Variants in PCDH7 observed in about 807,000 individuals in gnomAD.
The protein encoded by PCDH7 is protocadherin-7.
Under a neutral mutation model 58.9 loss-of-function variants are expected in PCDH7, and 17 were observed. The observed-to-expected ratio is 0.29, with a 90% CI of 0.20 to 0.43. The LOEUF (loss-of-function observed/expected upper bound fraction) is 0.43, where lower values mean the gene tolerates loss of function less well. Ranked by LOEUF, PCDH7 falls within the 20% of genes least tolerant of loss-of-function variation. The pLI is 1.00. For synonymous variants in PCDH7, 664 were observed against 616.4 expected, an observed-to-expected ratio of 1.08 and a Z score of -1.14; for missense variants, 1,274 against 1,441.0, an observed-to-expected ratio of 0.88 and a Z score of 1.88.
At chr4:30,753,478 A>G (rs2109260850) in intron 1 of PCDH7, among the ~76,000 whole-genome samples, 1 of 152,318 alleles carries the variant, frequency 6.6e-6, no homozygotes, top group South Asian at 2.1e-4. Flanking sequence ...CATTATAGGC[A>G]AAAATGAGTC....
chr4:30,992,975 T>C (rs1175800400), intron 3 of PCDH7, among the ~76,000 whole-genome samples: 1 of 151,988 alleles, frequency 6.6e-6, no homozygotes, highest in Admixed American at 6.6e-5. Context: ...ATTTTTGTAT[T>C]TTCAGTAGAG....
chr4:30,963,449 T>C (rs964003856), intron 3 of PCDH7, among the ~76,000 whole-genome samples: 1 of 152,224 alleles, frequency 6.6e-6, no homozygotes, highest in Non-Finnish European at 1.5e-5. Context: ...TAATATGATA[T>C]ACTTTTATAA....
chr4:31,061,671 A>C (rs73117108), intron 3 of PCDH7, among the ~76,000 whole-genome samples: 48 of 151,866 alleles, frequency 3.2e-4, no homozygotes, highest in African/African-American at 1.1e-3. Context: ...AAAAGTCAGT[A>C]ATCTTAAATT....
Position 31,133,459 on chromosome 4 carries a change from G to A in PCDH7, c.*8-9014G>A, listed in dbSNP as rs148384497. 1.2e-3 allele frequency among the ~76,000 whole-genome samples: 178 copies of A among 152,252 alleles called. 1 individual carries two copies. The highest frequency in any genetic ancestry group is 4.1e-3 in the African/African-American group (170 of 41,532). On this transcript the variant is annotated intron_variant, in intron 3 of 3. Transcript: ENST00000509759. ...GTAAACATGAATGACCAAGAATTGG[G>A]TCTATTCTTAGTGGGATAATCAATT...
intron 1 of PCDH7, among the ~76,000 whole-genome samples, chr4:30,822,619 T>TTA (rs1728516298): frequency 1.3e-5 from 2 of 152,124 alleles, no homozygotes; most frequent in African/African-American, 4.8e-5. Context: ...TATTAAAAAT[T>TTA]TATATTTTTT....
At chr4:30,866,265 T>G (rs11941395) in intron 1 of PCDH7, among the ~76,000 whole-genome samples, 13,317 of 152,140 alleles carry the variant, frequency 0.088, 733 homozygotes, top group Non-Finnish European at 0.12. Context: ...TAACCTGGCT[T>G]GTTACTTAAC....
chr4:30,844,425 T>A (rs561222251), intron 1 of PCDH7, among the ~76,000 whole-genome samples: 3 of 152,336 alleles, frequency 2.0e-5, no homozygotes, highest in South Asian at 4.1e-4. Flanking sequence ...TATTTGCTTT[T>A]TAAGTCAATC....
At chr4:31,119,160 A>T (rs895216788) in intron 3 of PCDH7, among the ~76,000 whole-genome samples, 1 of 152,152 alleles carries the variant, frequency 6.6e-6, no homozygotes, top group Non-Finnish European at 1.5e-5. Flanking sequence ...GAAATGATTG[A>T]TCAACTCACA....
intron 3 of PCDH7, among the ~76,000 whole-genome samples, chr4:30,967,979 G>C (rs909992668): frequency 1.2e-4 from 19 of 152,020 alleles, no homozygotes; most frequent in Admixed American, 3.9e-4. Context: ...CTTGTGAGTA[G>C]AGGAACCAGT....
At chr4:30,937,055 A>G (rs946573061) in intron 2 of PCDH7, among the ~76,000 whole-genome samples, 23 of 151,862 alleles carry the variant, frequency 1.5e-4, no homozygotes, top group African/African-American at 5.1e-4. Flanking sequence ...ATAAGAAAAT[A>G]TTGCATTAAG....
chr4:30,785,303 T>A (rs1723254199), intron 1 of PCDH7, among the ~76,000 whole-genome samples: 1 of 152,026 alleles, frequency 6.6e-6, no homozygotes, highest in Non-Finnish European at 1.5e-5. Flanking sequence ...CATCTGTGTA[T>A]AAGGAATTTT....
At chr4:30,952,240 A>G (rs1445089516) in intron 3 of PCDH7, among the ~76,000 whole-genome samples, 2 of 152,162 alleles carry the variant, frequency 1.3e-5, no homozygotes, top group African/African-American at 2.4e-5. Flanking sequence ...CATTTATCAA[A>G]TCTAATGGCA....
chr4:30,936,763 A>C (rs1745387779), intron 2 of PCDH7, among the ~76,000 whole-genome samples: 1 of 152,130 alleles, frequency 6.6e-6, no homozygotes, highest in Non-Finnish European at 1.5e-5. Context: ...AATTGGGAAG[A>C]GACTAATAGA....
chr4:31,051,914 G>C (rs1756775309), intron 3 of PCDH7, among the ~76,000 whole-genome samples: 1 of 151,694 alleles, frequency 6.6e-6, no homozygotes, highest in Admixed American at 6.6e-5. Flanking sequence ...CTCTAATTTT[G>C]TGATATTTAT....
At chr4:30,736,533 TTA>T (rs1239256390), downstream of PCDH7, among the ~76,000 whole-genome samples, 573 of 133,936 alleles carry the variant, frequency 4.3e-3, 6 homozygotes, top group African/African-American at 0.015. Context: ...TTATTTTCAT[TTA>T]TTTTTTTTTT....
At chr4:30,765,282 T>C (rs1226374503) in intron 1 of PCDH7, among the ~76,000 whole-genome samples, 1 of 152,036 alleles carries the variant, frequency 6.6e-6, no homozygotes, top group African/African-American at 2.4e-5. Context: ...AATTCCACTT[T>C]GCCACCTAAA....
chr4:31,023,328 C>T (rs1754176593), intron 3 of PCDH7, among the ~76,000 whole-genome samples: 1 of 152,152 alleles, frequency 6.6e-6, no homozygotes, highest in Admixed American at 6.5e-5. Context: ...TCAGATGAGG[C>T]TCCTGCGTGT....
At chr4:31,078,541 T>C (rs964377367) in intron 3 of PCDH7, among the ~76,000 whole-genome samples, 2 of 151,028 alleles carry the variant, frequency 1.3e-5, no homozygotes, top group Non-Finnish European at 2.9e-5. Context: ...CAGGCTGGTC[T>C]TGAACTCTGA....
chr4:30,908,100 G>T lies in PCDH7; in HGVS notation c.71-12053G>T, dbSNP rs549169889. Among the ~76,000 whole-genome samples, 14 of 152,154 alleles carry T rather than the reference G, an allele frequency of 9.2e-5. No individual in the cohort carries two copies. The East Asian group carries it at 2.5e-3, about 27-fold the overall frequency. On this transcript the variant is annotated intron_variant, in intron 1 of 3. Transcript: ENST00000509759. ...AACACCACACACCAGGGCCGGTTCG[G>T]GGGTGAGGGGCTAGGGGAGGGATAG...
Sources: gnomAD v4.1 joint callset for allele counts (sites outside exome capture counted in the v4.1 genomes callset) on GRCh38, gnomAD v4.1.1 for gene constraint, MANE v1.5 for transcripts, NCBI Gene and HGNC (gene_info 2026-07-23, HGNC 2026-07-21) for gene names.